Variants in AIG1 observed in about 807,000 individuals in gnomAD.
AIG1 encodes androgen-induced gene 1 protein.
AIG1 carries 23 observed loss-of-function variants against 31.4 expected under a neutral mutation model. That is an observed-to-expected ratio of 0.73 (90% CI 0.53 to 1.04). The LOEUF (loss-of-function observed/expected upper bound fraction) is 1.04. AIG1 is among the 50% of genes least tolerant of loss of function. The probability of loss-of-function intolerance (pLI) is 0.00; values close to 1 mark genes in which losing one functional copy is unlikely to be tolerated. For missense variants in AIG1, 274 were observed against 295.0 expected (o/e 0.93, Z 0.52); for synonymous variants, 100 against 110.5 (o/e 0.90, Z 0.60).
chr6:143,249,321 G>A (rs548435859), intron 3 of AIG1, among the ~76,000 whole-genome samples: 6 of 152,292 alleles, frequency 3.9e-5, no homozygotes, highest in African/African-American at 1.4e-4. Flanking sequence ...ATTCCTCGAC[G>A]ACGACGATAT....
At chr6:143,270,626 T>C (rs1396187845) in intron 3 of AIG1, among the ~76,000 whole-genome samples, 2 of 152,248 alleles carry the variant, frequency 1.3e-5, no homozygotes, top group Admixed American at 6.5e-5. Context: ...TTTGAGAGCA[T>C]TGCCTTATGT....
chr6:143,234,414 A>G (rs6931927), intron 3 of AIG1, among the ~76,000 whole-genome samples: 71,395 of 152,044 alleles, frequency 0.47, 18,333 homozygotes, highest in East Asian at 0.93. Flanking sequence ...AGAATGCCAT[A>G]AATATCCTAA....
chr6:143,116,183 T>G lies in AIG1; in HGVS notation c.142-20652T>G, dbSNP rs984392853. ...ACTGGTAGGTATTTGGAGGTGAAAG[T>G]AAGTAATGATAAAGCCAGACTGTGC... On this transcript the variant is annotated intron_variant, in intron 1 of 5. Coordinates refer to ENST00000357847, the MANE Select transcript of AIG1 (RefSeq NM_016108.4). Among the ~76,000 whole-genome samples, 8 of 152,300 alleles carry G rather than the reference T, an allele frequency of 5.3e-5. No individual in the cohort carries two copies. In the East Asian group the frequency reaches 9.7e-4, roughly 18 times the overall value.
chr6:143,095,144 A>G (rs1779637228), intron 1 of AIG1, among the ~76,000 whole-genome samples: 1 of 152,198 alleles, frequency 6.6e-6, no homozygotes, highest in African/African-American at 2.4e-5. Context: ...AGAATAAGCT[A>G]AAGAAATGTT....
Position 143,299,422 on chromosome 6 carries a change from T to C in AIG1, c.515+15197T>C, listed in dbSNP as rs1213989830. ...ATCATCTAAGTCTACCAGCAGTATA[T>C]GACCAGAAGCATTACAGGAACAGCA... On this transcript the variant is annotated intron_variant, in intron 4 of 5. Transcript: ENST00000357847. This position sits in a 1 kb window ranked among gnomAD's most constrained non-coding sequence, Gnocchi z 4.1. 1 of 152,148 alleles carries C rather than the reference T, an allele frequency of 6.6e-6. No homozygotes were observed. The highest frequency in any genetic ancestry group is 1.5e-5 in the Non-Finnish European group (1 of 68,028). The allele number at this position is 152,148 out of a possible 1,614,324, so 9.4% of individuals were successfully genotyped here. A position where few individuals can be genotyped will look rare whatever the true frequency, so the allele number is the denominator to read the frequency against.
intron 3 of AIG1, among the ~76,000 whole-genome samples, chr6:143,244,286 A>G (rs1415180629): frequency 6.6e-6 from 1 of 152,128 alleles, no homozygotes; most frequent in Non-Finnish European, 1.5e-5. Flanking sequence ...CAAGGGGTGG[A>G]GGTAAATGGC....
At chr6:143,239,133 A>G (rs1794030197) in intron 3 of AIG1, among the ~76,000 whole-genome samples, 1 of 152,212 alleles carries the variant, frequency 6.6e-6, no homozygotes, top group Non-Finnish European at 1.5e-5. Context: ...TGCACAGAGT[A>G]CAGTTGGAGC....
rs142935650 is a variant in AIG1, at chr6:143,326,215, A to G, written c.516-7067A>G. ...TTTGCACACTAGGACGGAGTCTACA[A>G]TTCTTACCATGGCTTAAAAATCAAC... On this transcript the variant is annotated intron_variant, in intron 4 of 5. Coordinates refer to ENST00000357847, the MANE Select transcript of AIG1 (RefSeq NM_016108.4). This position sits in a 1 kb window ranked among gnomAD's most constrained non-coding sequence, Gnocchi z 4.5. Among the ~76,000 whole-genome samples the G allele has an allele frequency of 1.1e-3, 175 of 152,278 alleles. 1 individual carries two copies. Among genetic ancestry groups the G allele is most frequent in the Non-Finnish European group, 2.0e-3 (136 of 68,026 alleles).
intron 1 of AIG1, among the ~76,000 whole-genome samples, chr6:143,122,112 CTT>C (rs1782291891): frequency 6.6e-6 from 1 of 152,132 alleles, no homozygotes; most frequent in Non-Finnish European, 1.5e-5. Context: ...TTTTGTTTGA[CTT>C]TTTGATGTGT....
intron 1 of AIG1, among the ~76,000 whole-genome samples, chr6:143,087,239 A>G (rs1213232146): frequency 6.6e-6 from 1 of 152,052 alleles, no homozygotes; most frequent in Non-Finnish European, 1.5e-5. Flanking sequence ...TAGAGCTCCC[A>G]AGATGGTGGC....
chr6:143,194,442 G>A (rs1242933297), intron 3 of AIG1, among the ~76,000 whole-genome samples: 1 of 152,142 alleles, frequency 6.6e-6, no homozygotes, highest in African/African-American at 2.4e-5. Flanking sequence ...TTTGGGTGGG[G>A]ACACAGAGCC....
intron 3 of AIG1, among the ~76,000 whole-genome samples, chr6:143,228,292 G>C (rs577536674): frequency 6.6e-6 from 1 of 152,200 alleles, no homozygotes; most frequent in East Asian, 1.9e-4. Flanking sequence ...TTCGCATCAG[G>C]CCTCTTTACA....
intron 3 of AIG1, among the ~76,000 whole-genome samples, chr6:143,245,197 A>G (rs138462743): frequency 2.5e-3 from 383 of 152,178 alleles, no homozygotes; most frequent in South Asian, 6.8e-3. Context: ...TTGGCAAAAC[A>G]CTTTCTCTCA....
intron 3 of AIG1, among the ~76,000 whole-genome samples, chr6:143,217,492 C>T (rs1227645163): frequency 1.3e-5 from 2 of 152,074 alleles, no homozygotes; most frequent in East Asian, 1.9e-4. Flanking sequence ...ATTTAACAAA[C>T]GTCTTTATGG....
At chr6:143,239,045 T>G (rs1562516733) in intron 3 of AIG1, among the ~76,000 whole-genome samples, 1 of 152,214 alleles carries the variant, frequency 6.6e-6, no homozygotes, top group Non-Finnish European at 1.5e-5. Context: ...TAAGACACAG[T>G]CCACTCATGG....
intron 3 of AIG1, among the ~76,000 whole-genome samples, chr6:143,184,359 A>G (rs2128589115): frequency 6.6e-6 from 1 of 152,276 alleles, no homozygotes; most frequent in East Asian, 1.9e-4. Flanking sequence ...GTTCTGCACT[A>G]CGTGTGTCCT....
intron 4 of AIG1, among the ~76,000 whole-genome samples, chr6:143,319,861 A>G (rs1776063161): frequency 6.6e-6 from 1 of 152,184 alleles, no homozygotes; most frequent in African/African-American, 2.4e-5. Context: ...AAAAGCAATA[A>G]TAGAGAAATG....
Position 143,060,942 on chromosome 6 carries a change from G to C in AIG1, c.17G>C (p.Cys6Ser), listed in dbSNP as rs1252239836. MALVP[C>S]QVLRMAILLS... ...CTGGCGAACATGGCGCTTGTCCCCT[G>C]CCAGGTGCTGCGGATGGCAATCCTG... Residue 6 changes from cysteine (C) to serine (S), a missense_variant, in exon 1 of 6, where the codon TGC (cysteine) becomes TCC (serine). Cys to Ser is a moderately radical substitution (Grantham distance 112, BLOSUM62 -1). Coordinates refer to ENST00000357847, the MANE Select transcript of AIG1 (RefSeq NM_016108.4). 4 of 1,610,784 alleles carry C rather than the reference G, an allele frequency of 2.5e-6. No homozygotes were observed. The African/African-American group carries it at 5.3e-5, about 22-fold the overall frequency.
At chr6:143,088,126 T>C (rs1041908402) in intron 1 of AIG1, among the ~76,000 whole-genome samples, 3 of 152,218 alleles carry the variant, frequency 2.0e-5, no homozygotes, top group African/African-American at 7.2e-5. Context: ...GCAGTAATCA[T>C]GGGGTCTGCC....
Sources: allele counts gnomAD v4.1 joint callset (sites outside exome capture counted in the v4.1 genomes callset), GRCh38; gene constraint gnomAD v4.1.1; non-coding constraint Gnocchi (gnomAD v3.1); transcripts MANE v1.5; gene names NCBI Gene and HGNC (gene_info 2026-07-23, HGNC 2026-07-21).